Variants in TENM2 observed in about 807,000 individuals in gnomAD.
The protein encoded by TENM2 is teneurin-2.
Under a neutral mutation model 245.2 loss-of-function variants are expected in TENM2, and 52 were observed. That is an observed-to-expected ratio of 0.21 (90% CI 0.17 to 0.27). The LOEUF is 0.27. Ranked by LOEUF, TENM2 falls within the 10% of genes least tolerant of loss-of-function variation. The probability of loss-of-function intolerance (pLI) is 1.00; values close to 1 mark genes in which losing one functional copy is unlikely to be tolerated. For synonymous variants in TENM2, 1,363 were observed against 1,438.9 expected, an observed-to-expected ratio of 0.95 and a Z score of 1.19; for missense variants, 3,046 against 3,666.8, an observed-to-expected ratio of 0.83 and a Z score of 4.37.
chr5:167,436,682 A>G (rs1343228005), intron 2 of TENM2, among the ~76,000 whole-genome samples: 1 of 152,086 alleles, frequency 6.6e-6, no homozygotes, highest in Non-Finnish European at 1.5e-5. Context: ...GGTTTCATGG[A>G]CTGGGCCCAG....
At chr5:167,972,691 TCTC>T (rs1781880603) in intron 4 of TENM2, among the ~76,000 whole-genome samples, 1 of 152,230 alleles carries the variant, frequency 6.6e-6, no homozygotes, top group African/African-American at 2.4e-5. Context: ...TCTCTTTACT[TCTC>T]CTTATTTGAT....
At chr5:167,686,512 C>T (rs956617204) in intron 2 of TENM2, among the ~76,000 whole-genome samples, 1 of 152,028 alleles carries the variant, frequency 6.6e-6, no homozygotes, top group Non-Finnish European at 1.5e-5. Context: ...TCTGGTTCAC[C>T]GAGGGCTTTA....
chr5:167,265,331 C>CA, the TENM2 span, among the ~76,000 whole-genome samples: 4,731 of 39,072 alleles, frequency 0.12, 788 homozygotes, highest in Non-Finnish European at 0.15. Context: ...GACTCTGTCT[C>CA]AAAAAAAAAA....
At chr5:167,480,077 G>C (rs954708760) in intron 2 of TENM2, among the ~76,000 whole-genome samples, 1 of 152,150 alleles carries the variant, frequency 6.6e-6, no homozygotes, top group African/African-American at 2.4e-5. Context: ...AAAAGTAATT[G>C]GGAATGGTTC....
chr5:167,527,443 T>G (rs189876688), intron 2 of TENM2, among the ~76,000 whole-genome samples: 1 of 152,264 alleles, frequency 6.6e-6, no homozygotes, highest in East Asian at 1.9e-4. Flanking sequence ...TCTATCATTT[T>G]ACTCCTCATG....
chr5:167,595,348 T>G (rs576343546), intron 2 of TENM2, among the ~76,000 whole-genome samples: 1 of 152,162 alleles, frequency 6.6e-6, no homozygotes, highest in East Asian at 1.9e-4. Context: ...AAGCTGGCTT[T>G]TGAAATAAGA....
chr5:168,143,792 A>G (rs1356249835), intron 12 of TENM2, among the ~76,000 whole-genome samples: 1 of 151,804 alleles, frequency 6.6e-6, no homozygotes, highest in African/African-American at 2.4e-5. Flanking sequence ...ATACCAGTAT[A>G]AACTGTACGT....
intron 9 of TENM2, among the ~76,000 whole-genome samples, chr5:168,112,612 G>A (rs1293245078): frequency 8.0e-6 from 1 of 125,274 alleles, no homozygotes; most frequent in East Asian, 2.7e-4. Context: ...TGGGCGGGGG[G>A]GGGGTCAAAC....
intron 1 of TENM2, among the ~76,000 whole-genome samples, chr5:167,370,398 CTG>C: frequency 1.4e-5 from 2 of 142,050 alleles, no homozygotes; most frequent in Middle Eastern, 7.7e-3. Flanking sequence ...GGATTATACA[CTG>C]TGGTTACGAT....
chr5:167,727,667 C>A (rs1760122261), intron 2 of TENM2, among the ~76,000 whole-genome samples: 1 of 152,204 alleles, frequency 6.6e-6, no homozygotes, highest in African/African-American at 2.4e-5. Context: ...GTGCTAAGAA[C>A]ACTGCTAGAT....
At chr5:167,002,869 A>C in the TENM2 span, among the ~76,000 whole-genome samples, 1 of 152,166 alleles carries the variant, frequency 6.6e-6, no homozygotes, top group Non-Finnish European at 1.5e-5. Flanking sequence ...TACATACTCA[A>C]GAGGTCATTT....
At chr5:167,885,346 G>C (rs1332868469) in intron 3 of TENM2, among the ~76,000 whole-genome samples, 2 of 152,122 alleles carry the variant, frequency 1.3e-5, no homozygotes, top group South Asian at 4.1e-4. Context: ...GGCAGCCATT[G>C]TTCTAAATTT....
At chr5:168,014,368 T>G (rs372772992) in intron 5 of TENM2, among the ~76,000 whole-genome samples, 113 of 152,280 alleles carry the variant, frequency 7.4e-4, no homozygotes, top group African/African-American at 2.5e-3. Context: ...CTCCAAATTA[T>G]GTAATTAGTA....
chr5:168,152,998 A>G (rs1237677798), intron 12 of TENM2, among the ~76,000 whole-genome samples: 2 of 152,234 alleles, frequency 1.3e-5, no homozygotes, highest in East Asian at 1.9e-4. Context: ...TGTTGAATCA[A>G]GAACACAGTG....
intron 9 of TENM2, among the ~76,000 whole-genome samples, chr5:168,101,837 GT>G (rs1369741165): frequency 1.2e-5 from 1 of 81,074 alleles, no homozygotes; most frequent in Non-Finnish European, 2.4e-5. Flanking sequence ...CCCTATAGAT[GT>G]TTTTCCCTTA....
intron 2 of TENM2, among the ~76,000 whole-genome samples, chr5:167,701,552 C>T (rs574865025): frequency 1.3e-5 from 2 of 152,260 alleles, no homozygotes; most frequent in Admixed American, 6.5e-5. Context: ...ATTGACTTTG[C>T]TTCTCACTAA....
the TENM2 span, among the ~76,000 whole-genome samples, chr5:167,229,363 TA>T: frequency 2.6e-5 from 4 of 152,304 alleles, no homozygotes; most frequent in South Asian, 8.3e-4. Flanking sequence ...GTCCTCTAGA[TA>T]GCTTGCTCAG....
intron 2 of TENM2, among the ~76,000 whole-genome samples, chr5:167,809,305 G>C (rs1766457305): frequency 6.6e-6 from 1 of 152,130 alleles, no homozygotes; most frequent in African/African-American, 2.4e-5. Context: ...ACAGTGACCT[G>C]TTTAAATGGT....
At chr5:168,205,312 G>A (rs1015019134) in intron 19 of TENM2, among the ~76,000 whole-genome samples, 8 of 150,892 alleles carry the variant, frequency 5.3e-5, no homozygotes, top group Admixed American at 4.6e-4. Context: ...GGAGCTTTCT[G>A]GCTAGAAAAA....
Sources: allele counts gnomAD v4.1 joint callset (sites outside exome capture counted in the v4.1 genomes callset), GRCh38; gene constraint gnomAD v4.1.1; transcripts MANE v1.5; gene names NCBI Gene and HGNC (gene_info 2026-07-23, HGNC 2026-07-21).